Variants in SLC9A4 observed in about 807,000 individuals in gnomAD.
SLC9A4 encodes sodium/hydrogen exchanger 4.
Under a neutral mutation model 67.4 loss-of-function variants are expected in SLC9A4, and 63 were observed. The ratio of observed to expected loss-of-function variants is 0.93; its 90% CI spans 0.76 to 1.15. The LOEUF (loss-of-function observed/expected upper bound fraction) is 1.15, where lower values mean the gene tolerates loss of function less well. Ranked by LOEUF, SLC9A4 falls within the 50% of genes most tolerant of loss-of-function variation. The pLI is 0.00. For synonymous variants in SLC9A4, 393 were observed against 367.2 expected, an observed-to-expected ratio of 1.07 and a Z score of -0.80; for missense variants, 1,089 against 987.7, an observed-to-expected ratio of 1.10 and a Z score of -1.38.
intron 2 of SLC9A4, among the ~76,000 whole-genome samples, chr2:102,496,735 T>A (rs774847763): frequency 1.3e-5 from 2 of 152,232 alleles, no homozygotes; most frequent in Non-Finnish European, 2.9e-5. Context: ...TGTACTTACT[T>A]CACTTACTGT....
chr2:102,484,823 C>T lies in SLC9A4; in HGVS notation c.720+5521C>T, dbSNP rs551479197. On this transcript the variant is annotated intron_variant, in intron 2 of 11. Transcript: ENST00000295269. ...GGGTTGAAGCTGGAACCCAAGCAGC[C>T]TGACTCCAGGGTGTCTCTGCTCTTG... Among the ~76,000 whole-genome samples the T allele has an allele frequency of 3.8e-4, 58 of 152,296 alleles. 1 individual carries two copies. The East Asian group carries it at 0.01, about 27-fold the overall frequency.
rs369689038 is a variant in SLC9A4 at position 102,473,860 on chromosome 2, C to A, written c.101C>A (p.Ala34Glu). Residue 34 changes from alanine to glutamate, a missense_variant, in exon 1 of 12, where the codon GCA becomes GAA. Ala to Glu is a moderately radical substitution (Grantham distance 107). Transcript: ENST00000295269. Reference sequence around the variant, plus strand: ...GCATCTTCTGATTTGAATGAATCTGCAAATTCCACTGCTCAGTATGCATCT... The same window carrying A: ...GCATCTTCTGATTTGAATGAATCTGAAAATTCCACTGCTCAGTATGCATCT... ...SEASSDLNESANSTAQYASNA... is the reference protein window; with the variant it reads ...SEASSDLNESENSTAQYASNA... 5 of 1,614,100 alleles carry A rather than the reference C, an allele frequency of 3.1e-6. No individual in the cohort carries two copies. In the South Asian group the frequency reaches 3.3e-5, roughly 11 times the overall value.
Position 102,479,033 on chromosome 2 carries a change from T to C in SLC9A4, c.451T>C (p.Phe151Leu), listed in dbSNP as rs1553410773. 11 of 1,614,014 alleles carry C rather than the reference T, an allele frequency of 6.8e-6. No homozygotes were observed. The Admixed American group carries it at 1.8e-4, about 27-fold the overall frequency. ...CGGCTACTTCATGCCCACCCGGCCC[T>C]TCTTTGAGAACATCGGCTCCATCCT... is the stretch of plus-strand genomic sequence containing the variant. ...EGGYFMPTRP[F>L]FENIGSILWW... The change falls in exon 2 of 12, where the codon TTC becomes CTC. Residue 151 changes from phenylalanine to leucine, a missense_variant. Transcript: ENST00000295269.
chr2:102,481,017 T>C (rs1188788203), intron 2 of SLC9A4, among the ~76,000 whole-genome samples: 2 of 152,140 alleles, frequency 1.3e-5, no homozygotes, highest in African/African-American at 4.8e-5. Context: ...ATTTTGCAGG[T>C]TGGCAGGGAC....
chr2:102,501,031 C>A (rs1282853179), intron 2 of SLC9A4, among the ~76,000 whole-genome samples: 1 of 64,380 alleles, frequency 1.6e-5, no homozygotes, highest in Non-Finnish European at 2.7e-5. Context: ...GCAATCTCAG[C>A]TCACGGCAAC....
In SLC9A4 at chr2:102,479,098, C is replaced by T; in HGVS notation, c.516C>T (p.Gly172=). ...AVLGALINAL[G]IGLSLYLICQ... is the part of the protein sequence containing the mutation. ...TGGGGGCCCTGATCAACGCCTTGGG[C>T]ATTGGCCTCTCCCTCTACCTCATCT... The change falls in exon 2 of 12, where the codon GGC becomes GGT. Residue 172 remains glycine, a synonymous_variant. Transcript: ENST00000295269. 1 of 1,614,196 alleles carries T rather than the reference C, an allele frequency of 6.2e-7. No homozygotes were observed. Among genetic ancestry groups the T allele is most frequent in the Non-Finnish European group, 8.5e-7 (1 of 1,180,004 alleles).
chr2:102,479,567 A>G (rs577313436), intron 2 of SLC9A4, among the ~76,000 whole-genome samples: 61 of 152,328 alleles, frequency 4.0e-4, no homozygotes, highest in African/African-American at 1.4e-3. Flanking sequence ...ATCATTCTTG[A>G]GTTAAATGTA....
At chr2:102,507,653 C>A (rs1258067038) in intron 4 of SLC9A4, among the ~76,000 whole-genome samples, 1 of 152,056 alleles carries the variant, frequency 6.6e-6, no homozygotes, top group African/African-American at 2.4e-5. Flanking sequence ...AAATTACAGA[C>A]CTCCTTTGGA....
At chr2:102,502,563 C>T (rs780726176) in intron 2 of SLC9A4, among the ~76,000 whole-genome samples, 16 of 152,332 alleles carry the variant, frequency 1.1e-4, no homozygotes, top group South Asian at 6.2e-4. Context: ...AGGAAGGACA[C>T]GCTTGGGAGG....
intron 2 of SLC9A4, among the ~76,000 whole-genome samples, chr2:102,484,313 AAG>A (rs558550736): frequency 2.7e-4 from 41 of 152,178 alleles, no homozygotes; most frequent in African/African-American, 8.9e-4. Context: ...TGGGAGTGAC[AAG>A]AGAGAACCCA....
intron 7 of SLC9A4, among the ~76,000 whole-genome samples, chr2:102,513,228 G>A (rs1053053089): frequency 6.6e-6 from 1 of 152,138 alleles, no homozygotes; most frequent in Admixed American, 6.5e-5. Flanking sequence ...GGTCTGAGCC[G>A]AGCTGGGACA....
chr2:102,508,036 C>A (rs41484147), intron 4 of SLC9A4, 43 bp from the exon 5 acceptor site: 1 of 1,587,928 alleles, frequency 6.3e-7, no homozygotes, highest in Admixed American at 1.7e-5. Context: ...TATCTCTGCT[C>A]GTTCATGATC....
rs140630145 is a variant in SLC9A4, at chr2:102,519,993, C to G, written c.1818+38C>G. 297 of 1,567,162 alleles carry G rather than the reference C, an allele frequency of 1.9e-4. 2 individuals are homozygous for G. The East Asian group carries it at 6.3e-3, about 33-fold the overall frequency. Reference sequence around the variant, plus strand: ...CACCTGTGTTGTCCCCATTTTCTGTCCTTGAAAACAGTCTCTGAAGGGGGA... The same window carrying G: ...CACCTGTGTTGTCCCCATTTTCTGTGCTTGAAAACAGTCTCTGAAGGGGGA... On this transcript the variant is annotated intron_variant, in intron 9 of 11. Coordinates refer to ENST00000295269, the MANE Select transcript of SLC9A4 (RefSeq NM_001011552.4).
intron 6 of SLC9A4, among the ~76,000 whole-genome samples, chr2:102,509,511 CT>C (rs1364074027): frequency 6.6e-6 from 1 of 152,216 alleles, no homozygotes; most frequent in African/African-American, 2.4e-5. Context: ...ATTGTTCTCC[CT>C]ACCACAGTCT....
intron 4 of SLC9A4, 81 bp downstream of exon 4, chr2:102,505,552 GAGGACTGAGTAGATGC>G: frequency 7.2e-7 from 1 of 1,389,642 alleles, no homozygotes; most frequent in Non-Finnish European, 1.0e-6. Flanking sequence ...GTTAAAACTG[GAGGACTGAGTAGATGC>G]TAACTGGTTT....
chr2:102,520,013 G>C (rs1379215975), intron 9 of SLC9A4, 58 bp downstream of exon 9: 1 of 1,451,704 alleles, frequency 6.9e-7, no homozygotes, highest in Non-Finnish European at 9.6e-7. Flanking sequence ...AGTCTCTGAA[G>C]GGGGAGTCTG....
At chr2:102,517,998 T>A (rs968951482) in intron 8 of SLC9A4, among the ~76,000 whole-genome samples, 25 of 152,232 alleles carry the variant, frequency 1.6e-4, no homozygotes, top group African/African-American at 6.0e-4. Context: ...ACGATTTTGC[T>A]AATGAAGTGG....
rs149880656 is a variant in SLC9A4 at position 102,518,537 on chromosome 2, C to T, written c.1722-1322C>T. On this transcript the variant is annotated intron_variant, in intron 8 of 11. Coordinates refer to ENST00000295269, the MANE Select transcript of SLC9A4 (RefSeq NM_001011552.4). ...AATAGAGGTGGCATTTGCAGCTTTA[C>T]GATATGGAAACTGATTTCGATCAGT... 3.8e-3 allele frequency among the ~76,000 whole-genome samples: 578 copies of T among 152,176 alleles called. 5 individuals are homozygous for T. Among genetic ancestry groups the T allele is most frequent in the Admixed American group, 0.014 (216 of 15,288 alleles).
At chr2:102,490,096 G>A (rs1182265618) in intron 2 of SLC9A4, among the ~76,000 whole-genome samples, 1 of 144,862 alleles carries the variant, frequency 6.9e-6, no homozygotes, top group Non-Finnish European at 1.5e-5. Context: ...AACTTCCAAC[G>A]TTTTTTTTTT....
Sources: allele counts gnomAD v4.1 joint callset (sites outside exome capture counted in the v4.1 genomes callset), GRCh38; gene constraint gnomAD v4.1.1; transcripts MANE v1.5; gene names NCBI Gene and HGNC (gene_info 2026-07-23, HGNC 2026-07-21).